SNX13: variants seen among roughly 807,000 people sequenced by gnomAD.
The protein encoded by SNX13 is sorting nexin 13, also known as sorting nexin-13.
In SNX13, 45 loss-of-function variants were observed where a neutral mutation model predicts 133.6. The observed-to-expected ratio is 0.34, with a 90% confidence interval of 0.27 to 0.43. The LOEUF (loss-of-function observed/expected upper bound fraction) is 0.43, where lower values mean the gene tolerates loss of function less well. Ranked by LOEUF, SNX13 falls within the 20% of genes least tolerant of loss-of-function variation. SNX13 has a pLI of 1.00. For synonymous variants in SNX13, 414 were observed against 373.9 expected (o/e 1.11, Z -1.24); for missense variants, 1,032 against 1,145.1 (o/e 0.90, Z 1.43).
At chr7:17,797,499 G>A (rs1784178351) in intron 24 of SNX13, among the ~76,000 whole-genome samples, 1 of 151,808 alleles carries the variant, frequency 6.6e-6, no homozygotes, top group African/African-American at 2.4e-5. Context: ...TTCTTGGTCT[G>A]AAGGCAGGGA....
At chr7:17,872,947 T>C (rs554379356) in intron 8 of SNX13, among the ~76,000 whole-genome samples, 1 of 152,334 alleles carries the variant, frequency 6.6e-6, no homozygotes, top group Admixed American at 6.5e-5. Context: ...AAGACTACTA[T>C]TCTCATCTGA....
At chr7:17,818,491 T>G (rs1786924196) in intron 18 of SNX13, among the ~76,000 whole-genome samples, 1 of 151,988 alleles carries the variant, frequency 6.6e-6, no homozygotes, top group African/African-American at 2.4e-5. Context: ...AGGGAGAAAA[T>G]GTGAAAATTT....
At chr7:17,916,394 T>C (rs909073750) in intron 1 of SNX13, among the ~76,000 whole-genome samples, 3 of 151,944 alleles carry the variant, frequency 2.0e-5, no homozygotes, top group African/African-American at 7.3e-5. Context: ...AAAGGATAAA[T>C]AAGACTGACG....
intron 1 of SNX13, among the ~76,000 whole-genome samples, chr7:17,927,696 CCTT>C (rs1469612126): frequency 3.3e-5 from 5 of 152,142 alleles, no homozygotes; most frequent in Non-Finnish European, 1.5e-5. Flanking sequence ...GCATTTCTAA[CCTT>C]CTGTCTACCT....
chr7:17,877,176 G>A (rs1237602270), intron 5 of SNX13, among the ~76,000 whole-genome samples: 6 of 151,480 alleles, frequency 4.0e-5, no homozygotes, highest in Admixed American at 6.6e-5. Flanking sequence ...AGAGAAAGCC[G>A]TAAGTATATG....
intron 20 of SNX13, among the ~76,000 whole-genome samples, chr7:17,814,001 A>G (rs1216057064): frequency 6.6e-6 from 1 of 152,094 alleles, no homozygotes. Context: ...TTCTTTTTAC[A>G]TTTTCATTTT....
chr7:17,884,810 C>T (rs191421591), intron 5 of SNX13, among the ~76,000 whole-genome samples: 127 of 152,192 alleles, frequency 8.3e-4, no homozygotes, highest in Admixed American at 1.4e-3. Context: ...CAGATTCAAA[C>T]GATAATGTAA....
In SNX13 at chr7:17,834,871, A is replaced by G; in HGVS notation, c.1360-6T>C. On this transcript the variant is annotated splice_region_variant and splice_polypyrimidine_tract_variant and intron_variant, in intron 13 of 25. Coordinates refer to ENST00000428135, the MANE Select transcript of SNX13 (RefSeq NM_015132.5). ...ACAGTAACTCTTGGAGATGCCTAAC[A>G]GAGAAAAATAATAGTAATGATCTCT... The G allele has an allele frequency of 6.6e-7, 1 of 1,517,574 alleles. No homozygotes were observed. Among genetic ancestry groups the G allele is most frequent in the Admixed American group, 1.7e-5 (1 of 58,110 alleles). 94.0% of individuals were successfully genotyped at this position (1,517,574 alleles called of 1,614,324 possible).
intron 9 of SNX13, among the ~76,000 whole-genome samples, chr7:17,857,152 T>C (rs1237444965): frequency 3.3e-5 from 5 of 152,172 alleles, no homozygotes; most frequent in Non-Finnish European, 5.9e-5. Flanking sequence ...ACTGAATAAA[T>C]TCCTCACACA....
At chr7:17,898,623 G>A (rs147710668) in intron 1 of SNX13, among the ~76,000 whole-genome samples, 2,516 of 152,004 alleles carry the variant, frequency 0.017, 35 homozygotes, top group Non-Finnish European at 0.027. Context: ...CAGAAGTGGG[G>A]AAAAAGAAAA....
intron 16 of SNX13, among the ~76,000 whole-genome samples, chr7:17,829,745 AATTT>A (rs762459262): frequency 2.0e-5 from 3 of 151,332 alleles, no homozygotes; most frequent in South Asian, 2.1e-4. Context: ...TAATGAAATC[AATTT>A]ATTTATAAAA....
chr7:17,830,920 T>C (rs1353129234), intron 15 of SNX13: 9 of 984,344 alleles, frequency 9.1e-6, no homozygotes, highest in Non-Finnish European at 1.1e-5. Context: ...TGATATTGCC[T>C]TCCAAATTTA....
At chr7:17,868,343 A>C (rs1244285195) in intron 9 of SNX13, 64 bp downstream of exon 9, 1 of 1,201,676 alleles carries the variant, frequency 8.3e-7, no homozygotes, top group South Asian at 1.4e-5. Context: ...CCTATCTCCC[A>C]ACTATATTTT....
chr7:17,864,170 C>T (rs1385847668), intron 9 of SNX13, among the ~76,000 whole-genome samples: 1 of 152,092 alleles, frequency 6.6e-6, no homozygotes, highest in Non-Finnish European at 1.5e-5. Context: ...GAAAACATCA[C>T]CTCAAGAAAC....
At chr7:17,863,752 C>T (rs1471603445) in intron 9 of SNX13, among the ~76,000 whole-genome samples, 1 of 152,202 alleles carries the variant, frequency 6.6e-6, no homozygotes, top group African/African-American at 2.4e-5. Context: ...CAACTCTGCA[C>T]GGTGCCAGCC....
intron 17 of SNX13, among the ~76,000 whole-genome samples, chr7:17,822,127 T>C (rs569159136): frequency 7.9e-5 from 12 of 152,296 alleles, no homozygotes; most frequent in African/African-American, 2.4e-4. Context: ...AGCCACGGGA[T>C]AACATTTATC....
chr7:17,821,619 CAT>C lies in SNX13; in HGVS notation c.1733_1734del (p.Tyr578CysfsTer15). 6.2e-7 allele frequency: 1 copy of C among 1,613,482 alleles called. No homozygotes were observed. The highest frequency in any genetic ancestry group is 8.5e-7 in the Non-Finnish European group (1 of 1,179,594). ...TGVCNDHGKTYALYAITVHRR... is the reference protein window; with the variant it reads ...TGVCNDHGKTXALYAITVHRR... ...CGGTGTACAGTGATGGCATATAATG[CAT>C]ATGTCTTGCCATGATCATTACAAAC... On this transcript the variant is annotated frameshift_variant, in exon 18 of 26. Transcript: ENST00000428135. LOFTEE classifies it high-confidence loss of function.
intron 4 of SNX13, among the ~76,000 whole-genome samples, chr7:17,890,773 G>C (rs1257918390): frequency 6.6e-6 from 1 of 150,972 alleles, no homozygotes; most frequent in Non-Finnish European, 1.5e-5. Flanking sequence ...GTAAAGACAG[G>C]GTTTGCAGAA....
chr7:17,930,484 C>G (rs183212249), intron 1 of SNX13, among the ~76,000 whole-genome samples: 2 of 152,116 alleles, frequency 1.3e-5, no homozygotes, highest in African/African-American at 4.8e-5. Context: ...CTTTCATCAT[C>G]ACATAAATTT....
Sources: allele counts gnomAD v4.1 joint callset (sites outside exome capture counted in the v4.1 genomes callset), GRCh38; gene constraint gnomAD v4.1.1; transcripts MANE v1.5; gene names NCBI Gene and HGNC (gene_info 2026-07-23, HGNC 2026-07-21).